ITPR1: variants seen among roughly 807,000 people sequenced by gnomAD.
The protein encoded by ITPR1 is inositol 1,4,5-trisphosphate-gated calcium channel ITPR1.
A neutral mutation model predicts 318.4 loss-of-function variants in ITPR1; 96 were observed. The ratio of observed to expected loss-of-function variants is 0.30; its 90% CI spans 0.26 to 0.36. The LOEUF (loss-of-function observed/expected upper bound fraction) is 0.36, where lower values mean the gene tolerates loss of function less well. Among genes scored for constraint, ITPR1 ranks in the 10% least tolerant of loss-of-function variants. ITPR1 has a pLI of 1.00. For synonymous variants in ITPR1, 1,312 were observed against 1,289.9 expected (o/e 1.02, Z -0.37); for missense variants, 2,440 against 3,460.2 (o/e 0.71, Z 7.40).
intron 36 of ITPR1, among the ~76,000 whole-genome samples, chr3:4,705,771 G>A (rs1403259227): frequency 6.6e-6 from 1 of 152,186 alleles, no homozygotes; most frequent in East Asian, 1.9e-4. Flanking sequence ...TTTGTAGATT[G>A]TTGAACAAAC....
rs193012329 is a variant in ITPR1 at position 4,493,871 on chromosome 3, C to T, written c.-93+266C>T. 9.3e-4 allele frequency among the ~76,000 whole-genome samples: 139 copies of T among 149,906 alleles called. 2 individuals are homozygous for T. The highest frequency in any genetic ancestry group is 4.7e-3 in the Admixed American group (71 of 15,052). ...CCCAAGTTGGAAACTGTTGCTGCAGCTGCAGGAAATAGTTCTTTTTTTTTT... is the reference window on the plus strand; with the variant it reads ...CCCAAGTTGGAAACTGTTGCTGCAGTTGCAGGAAATAGTTCTTTTTTTTTT... On this transcript the variant is annotated intron_variant, in intron 1 of 61. Transcript: ENST00000649015.
At chr3:4,663,324 G>A in intron 16 of ITPR1, 118 bp downstream of exon 16, 1 of 899,772 alleles carries the variant, frequency 1.1e-6, no homozygotes. Context: ...ATCCCCTTGA[G>A]CCCAGGAAAT....
At chr3:4,677,388 C>T (rs186276642) in intron 24 of ITPR1, among the ~76,000 whole-genome samples, 178 of 152,280 alleles carry the variant, frequency 1.2e-3, no homozygotes, top group African/African-American at 4.2e-3. Flanking sequence ...TTTGGAGACA[C>T]TGAGGACAGG....
chr3:4,735,153 C>T lies in ITPR1; in HGVS notation c.5354-11C>T. The stretch of plus-strand genomic sequence containing the variant: ...ATTGTGCTTAGTAAAAACAATATTC[C>T]ATCTTCTTAGGGGGAGGTTCCGGAT... On this transcript the variant is annotated splice_polypyrimidine_tract_variant and intron_variant, in intron 43 of 61. Coordinates refer to ENST00000649015, the MANE Select transcript of ITPR1 (RefSeq NM_001378452.1). The T allele has an allele frequency of 3.7e-6, 6 of 1,607,136 alleles. No homozygotes were observed. Among genetic ancestry groups the T allele is most frequent in the Non-Finnish European group, 5.1e-6 (6 of 1,174,464 alleles).
At chr3:4,562,054 A>G (rs2086727796) in intron 4 of ITPR1, among the ~76,000 whole-genome samples, 1 of 151,984 alleles carries the variant, frequency 6.6e-6, no homozygotes, top group Non-Finnish European at 1.5e-5. Flanking sequence ...GTCTTAGGCC[A>G]CACAGAAAAT....
chr3:4,667,639 C>T, intron 18 of ITPR1, 90 bp downstream of exon 18: 3 of 1,258,974 alleles, frequency 2.4e-6, no homozygotes, highest in African/African-American at 1.5e-5. Flanking sequence ...TTTCCTTGTG[C>T]TGCTAGTGAC....
intron 30 of ITPR1, 129 bp from the exon 31 acceptor site, chr3:4,688,366 C>A: frequency 9.4e-7 from 1 of 1,062,842 alleles, no homozygotes; most frequent in Non-Finnish European, 1.4e-6. Flanking sequence ...TGCAGCCCCT[C>A]AATATTTACC....
At chr3:4,750,630 C>T (rs2044431644) in intron 44 of ITPR1, 1 of 152,282 alleles carries the variant, frequency 6.6e-6, no homozygotes, top group East Asian at 1.9e-4. Context: ...GGTGGGCGGC[C>T]AGGGTAGGTG....
chr3:4,686,138 C>T (rs1001800594), intron 30 of ITPR1, among the ~76,000 whole-genome samples: 3 of 152,046 alleles, frequency 2.0e-5, no homozygotes, highest in Admixed American at 6.6e-5. Flanking sequence ...AGAGCTGCAG[C>T]GGGAGAGGTT....
chr3:4,694,927 T>C (rs890640703), intron 33 of ITPR1, among the ~76,000 whole-genome samples: 2 of 152,202 alleles, frequency 1.3e-5, no homozygotes, highest in African/African-American at 4.8e-5. Flanking sequence ...TTTCTAGAAT[T>C]TTGCACATAA....
At chr3:4,567,089 C>A (rs554844365) in intron 4 of ITPR1, among the ~76,000 whole-genome samples, 12 of 152,116 alleles carry the variant, frequency 7.9e-5, no homozygotes, top group African/African-American at 2.2e-4. Flanking sequence ...GATAATAATA[C>A]CTATTTCAGT....
At position 4,667,409 on chromosome 3, in the gene ITPR1, G is replaced by A. The variant is rs764018917; in HGVS notation, c.1746G>A (p.Gln582=). The change falls in exon 18 of 62, where the codon CAG becomes CAA. Residue 582 remains glutamine (Q), a synonymous_variant. Coordinates refer to ENST00000649015, the MANE Select transcript of ITPR1 (RefSeq NM_001378452.1). ...EYIAKQFGFM[Q]KQIGYDVLAE... ...TAGCCAAGCAGTTTGGCTTCATGCA[G>A]AAGCAGATTGGCTATGATGTGTTGG... is the stretch of plus-strand genomic sequence containing the variant. 2.5e-6 allele frequency: 4 copies of A among 1,612,314 alleles called. No homozygotes were observed. The East Asian group carries it at 8.9e-5, about 36-fold the overall frequency.
intron 4 of ITPR1, among the ~76,000 whole-genome samples, chr3:4,598,970 T>TAA (rs2091062232): frequency 6.6e-6 from 1 of 151,998 alleles, no homozygotes; most frequent in Non-Finnish European, 1.5e-5. Flanking sequence ...GGTCATATTC[T>TAA]AGGTGTGGTC....
rs189769985 is a variant in ITPR1, at chr3:4,746,965, G to A, written c.5544+11611G>A. 1.4e-4 allele frequency among the ~76,000 whole-genome samples: 22 copies of A among 152,264 alleles called. No individual in the cohort carries two copies. In the East Asian group the frequency reaches 3.5e-3, roughly 24 times the overall value. ...GAGATAGAAGTTCTGACCCAGTGTG[G>A]CCACCGTGTTACTTTAGCCTTCTTA... On this transcript the variant is annotated intron_variant, in intron 44 of 61. Coordinates refer to ENST00000649015, the MANE Select transcript of ITPR1 (RefSeq NM_001378452.1).
chr3:4,728,867 C>T (rs1432307169), intron 42 of ITPR1, among the ~76,000 whole-genome samples: 3 of 152,196 alleles, frequency 2.0e-5, no homozygotes, highest in South Asian at 4.1e-4. Context: ...CTGATAGAGA[C>T]ATCAACTTTG....
intron 5 of ITPR1, among the ~76,000 whole-genome samples, chr3:4,628,476 C>T (rs985652375): frequency 2.6e-5 from 4 of 152,216 alleles, no homozygotes; most frequent in African/African-American, 9.7e-5. Context: ...GTTTCACCTT[C>T]TGTAAAATAA....
intron 60 of ITPR1, among the ~76,000 whole-genome samples, chr3:4,822,407 T>G (rs1250233852): frequency 2.0e-5 from 3 of 152,242 alleles, no homozygotes; most frequent in African/African-American, 7.2e-5. Context: ...CCTCCTCCTC[T>G]GGAAAATCCC....
intron 4 of ITPR1, among the ~76,000 whole-genome samples, chr3:4,522,142 G>A (rs1263346312): frequency 2.0e-5 from 3 of 152,128 alleles, no homozygotes; most frequent in East Asian, 3.9e-4. Flanking sequence ...GGGCTCCATT[G>A]TAGAGCTTAG....
chr3:4,666,143 T>G (rs2093942427), intron 17 of ITPR1, among the ~76,000 whole-genome samples: 1 of 152,248 alleles, frequency 6.6e-6, no homozygotes, highest in Non-Finnish European at 1.5e-5. Flanking sequence ...ATGCTTATCA[T>G]AACCTTGACT....
Sources: allele counts gnomAD v4.1 joint callset (sites outside exome capture counted in the v4.1 genomes callset), GRCh38; gene constraint gnomAD v4.1.1; transcripts MANE v1.5; gene names NCBI Gene and HGNC (gene_info 2026-07-23, HGNC 2026-07-21).